TAFA1: variants seen among roughly 807,000 people sequenced by gnomAD.
TAFA1 encodes TAFA chemokine like family member 1, also known as chemokine-like protein TAFA-1.
TAFA1 carries 4 observed loss-of-function variants against 18.5 expected under a neutral mutation model. The observed-to-expected ratio is 0.22, with a 90% CI of 0.11 to 0.49. The LOEUF is 0.49. Among genes scored for constraint, TAFA1 ranks in the 20% least tolerant of loss-of-function variants. The probability of loss-of-function intolerance (pLI) is 0.98; values close to 1 mark genes in which losing one functional copy is unlikely to be tolerated. For missense variants in TAFA1, 147 were observed against 169.0 expected (o/e 0.87, Z 0.72); for synonymous variants, 56 against 55.2 (o/e 1.01, Z -0.06).
intron 3 of TAFA1, among the ~76,000 whole-genome samples, chr3:68,482,208 A>C (rs1331125163): frequency 4.6e-5 from 7 of 152,094 alleles, no homozygotes; most frequent in Non-Finnish European, 1.0e-4. Context: ...GACGGGGTTT[A>C]ACCGTTTTAG....
chr3:68,396,697 T>C (rs944277932), intron 2 of TAFA1, among the ~76,000 whole-genome samples: 8 of 152,320 alleles, frequency 5.3e-5, no homozygotes, highest in African/African-American at 9.6e-5. Context: ...TCAATGGATG[T>C]ATTTGTTATT....
At chr3:68,435,764 A>C (rs1447190683) in intron 3 of TAFA1, among the ~76,000 whole-genome samples, 1 of 152,216 alleles carries the variant, frequency 6.6e-6, no homozygotes, top group Non-Finnish European at 1.5e-5. Flanking sequence ...ATCAAGGATC[A>C]CTATGGCAAG....
chr3:68,017,053 G>C (rs577976684), intron 2 of TAFA1, among the ~76,000 whole-genome samples: 16 of 152,100 alleles, frequency 1.1e-4, no homozygotes, highest in African/African-American at 3.9e-4. Flanking sequence ...GTAACTAGAG[G>C]TCAGCCCTTT....
In TAFA1 at chr3:68,544,926, TG is replaced by T. The variant is rs1401378938; in HGVS notation, c.*424del. On this transcript the variant is annotated 3_prime_UTR_variant, in exon 5 of 5. Transcript: ENST00000478136. ...TGAGTTTTGGATGTTTTGTCTGTTT[TG>T]CTTTGTTTTGTTAGTCATTTCTTTT... 1 of 152,176 alleles carries T rather than the reference TG, an allele frequency of 6.6e-6. No homozygotes were observed. Among genetic ancestry groups the T allele is most frequent in the Non-Finnish European group, 1.5e-5 (1 of 68,052 alleles). 9.4% of individuals were successfully genotyped at this position (152,176 alleles called of 1,614,324 possible).
At chr3:68,394,277 A>G (rs1336125287) in intron 2 of TAFA1, among the ~76,000 whole-genome samples, 4 of 152,302 alleles carry the variant, frequency 2.6e-5, no homozygotes, top group African/African-American at 7.2e-5. Flanking sequence ...GAGAACTACA[A>G]ACCACTGCTC....
chr3:68,201,128 C>T (rs2066465369), intron 2 of TAFA1, among the ~76,000 whole-genome samples: 1 of 151,432 alleles, frequency 6.6e-6, no homozygotes. Context: ...GAGATTTCTT[C>T]TTTGATCCCT....
intron 2 of TAFA1, among the ~76,000 whole-genome samples, chr3:68,073,207 T>C (rs2064778964): frequency 6.6e-6 from 1 of 152,190 alleles, no homozygotes; most frequent in Non-Finnish European, 1.5e-5. Context: ...GGATTACTTA[T>C]ACCTAGGGCT....
intron 2 of TAFA1, among the ~76,000 whole-genome samples, chr3:68,180,431 G>A (rs1419822620): frequency 1.3e-5 from 2 of 152,120 alleles, no homozygotes; most frequent in Non-Finnish European, 2.9e-5. Context: ...GTAACAAGAG[G>A]TAAAGGATAC....
chr3:68,398,134 C>A (rs1318007950), intron 2 of TAFA1, among the ~76,000 whole-genome samples: 1 of 152,078 alleles, frequency 6.6e-6, no homozygotes, highest in Non-Finnish European at 1.5e-5. Flanking sequence ...ACAAAAAGAA[C>A]AAAGCTGGAG....
At chr3:68,336,189 A>C (rs1026356548) in intron 2 of TAFA1, among the ~76,000 whole-genome samples, 3 of 152,226 alleles carry the variant, frequency 2.0e-5, no homozygotes, top group African/African-American at 7.2e-5. Context: ...CAATATATGT[A>C]AAAGGCACCT....
chr3:68,295,174 A>G (rs1406379257), intron 2 of TAFA1, among the ~76,000 whole-genome samples: 2 of 152,184 alleles, frequency 1.3e-5, no homozygotes, highest in South Asian at 2.1e-4. Flanking sequence ...AAATGTAAAC[A>G]TAAGGTATTT....
At chr3:68,497,826 G>A (rs1436429898) in intron 3 of TAFA1, among the ~76,000 whole-genome samples, 2 of 152,132 alleles carry the variant, frequency 1.3e-5, no homozygotes, top group Non-Finnish European at 2.9e-5. Flanking sequence ...TGACTGCTGT[G>A]CATAGAAATA....
chr3:68,257,883 C>G (rs1200096699), intron 2 of TAFA1, among the ~76,000 whole-genome samples: 1 of 152,122 alleles, frequency 6.6e-6, no homozygotes, highest in Non-Finnish European at 1.5e-5. Flanking sequence ...CCTGATTTCA[C>G]CTCTGTGATT....
intron 2 of TAFA1, among the ~76,000 whole-genome samples, chr3:68,326,116 G>C (rs1408716063): frequency 6.6e-6 from 1 of 152,170 alleles, no homozygotes; most frequent in Non-Finnish European, 1.5e-5. Flanking sequence ...GGAATTCACT[G>C]TGCTCCTAAG....
chr3:68,376,525 C>T (rs1223326793), intron 2 of TAFA1, among the ~76,000 whole-genome samples: 2 of 152,034 alleles, frequency 1.3e-5, no homozygotes, highest in South Asian at 2.1e-4. Context: ...TCTGTTCGTA[C>T]GTTAGTTTGC....
intron 3 of TAFA1, among the ~76,000 whole-genome samples, chr3:68,458,393 A>G (rs1575885320): frequency 6.6e-6 from 1 of 152,318 alleles, no homozygotes; most frequent in East Asian, 1.9e-4. Context: ...TAACTAACAT[A>G]TCTGGTCTTA....
chr3:67,993,623 T>C, the TAFA1 span, among the ~76,000 whole-genome samples: 1 of 152,334 alleles, frequency 6.6e-6, no homozygotes, highest in East Asian at 1.9e-4. Context: ...TTGCTATTCC[T>C]GGCCACATAA....
At chr3:68,322,678 C>T (rs1424721048) in intron 2 of TAFA1, among the ~76,000 whole-genome samples, 2 of 152,142 alleles carry the variant, frequency 1.3e-5, no homozygotes, top group Non-Finnish European at 2.9e-5. Flanking sequence ...GCCGGGCGCT[C>T]ATGCCTGTAA....
At chr3:68,397,700 A>G (rs1295164954) in intron 2 of TAFA1, among the ~76,000 whole-genome samples, 2 of 152,152 alleles carry the variant, frequency 1.3e-5, no homozygotes, top group African/African-American at 4.8e-5. Context: ...TGCTGGGTGA[A>G]ATGGTATTTC....
Sources: gnomAD v4.1 joint callset for allele counts (sites outside exome capture counted in the v4.1 genomes callset) on GRCh38, gnomAD v4.1.1 for gene constraint, MANE v1.5 for transcripts, NCBI Gene and HGNC (gene_info 2026-07-23, HGNC 2026-07-21) for gene names.